Variants in SDK1 observed in about 807,000 individuals in gnomAD.
SDK1 encodes the protein sidekick cell adhesion molecule 1.
In SDK1, 157 loss-of-function variants were observed where a neutral mutation model predicts 245.5. The observed-to-expected ratio is 0.64, with a 90% confidence interval of 0.56 to 0.73. SDK1 has a LOEUF of 0.73. Among genes scored for constraint, SDK1 ranks in the 30% least tolerant of loss-of-function variants. The pLI is 0.00. For synonymous variants in SDK1, 1,647 were observed against 1,278.5 expected (o/e 1.29, Z -6.15); for missense variants, 3,583 against 3,002.3 (o/e 1.19, Z -4.52).
chr7:3,695,185 A>G (rs959443874), intron 4 of SDK1, among the ~76,000 whole-genome samples: 3 of 152,240 alleles, frequency 2.0e-5, no homozygotes, highest in African/African-American at 2.4e-5. Flanking sequence ...AGCATGGTCT[A>G]CTTACACTAG....
intron 4 of SDK1, among the ~76,000 whole-genome samples, chr7:3,717,263 G>A (rs560055159): frequency 6.6e-6 from 1 of 152,000 alleles, no homozygotes; most frequent in Non-Finnish European, 1.5e-5. Context: ...AAAAATAAAG[G>A]AATCAAACTA....
chr7:3,483,649 T>C (rs900105103), intron 1 of SDK1, among the ~76,000 whole-genome samples: 4 of 152,206 alleles, frequency 2.6e-5, no homozygotes, highest in African/African-American at 4.8e-5. Flanking sequence ...TTCTAATATT[T>C]TACCATTAAA....
At chr7:3,610,984 G>A (rs1435442242) in intron 1 of SDK1, among the ~76,000 whole-genome samples, 2 of 152,180 alleles carry the variant, frequency 1.3e-5, no homozygotes, top group Admixed American at 6.5e-5. Context: ...CAAGGAATAC[G>A]CAGCACAATC....
chr7:3,408,147 T>C (rs528876366), intron 1 of SDK1, among the ~76,000 whole-genome samples: 4 of 152,180 alleles, frequency 2.6e-5, no homozygotes, highest in East Asian at 3.9e-4. Flanking sequence ...AAGCAATTCT[T>C]GTGCCTCAGT....
intron 1 of SDK1, among the ~76,000 whole-genome samples, chr7:3,561,056 T>C (rs772790799): frequency 4.2e-4 from 64 of 152,188 alleles, no homozygotes; most frequent in Admixed American, 9.8e-4. Flanking sequence ...GGTGAGGATA[T>C]TGAATTTCTT....
chr7:3,721,781 A>G (rs1778813044), intron 4 of SDK1, among the ~76,000 whole-genome samples: 1 of 152,192 alleles, frequency 6.6e-6, no homozygotes, highest in Non-Finnish European at 1.5e-5. Context: ...CCCAGAGCTG[A>G]GAGCTTGTAG....
intron 22 of SDK1, among the ~76,000 whole-genome samples, chr7:4,098,788 C>T (rs1031012939): frequency 8.6e-5 from 13 of 150,370 alleles, no homozygotes; most frequent in South Asian, 4.2e-4. Context: ...CTCAGCCTCC[C>T]GAGTAGCTGG....
chr7:4,107,471 T>G (rs1783013113), intron 22 of SDK1, among the ~76,000 whole-genome samples: 2 of 145,196 alleles, frequency 1.4e-5, no homozygotes, highest in African/African-American at 5.3e-5. Context: ...AAGTCATCCC[T>G]TTTTCTTCCT....
chr7:3,392,811 A>G (rs1781792376), intron 1 of SDK1, among the ~76,000 whole-genome samples: 1 of 152,128 alleles, frequency 6.6e-6, no homozygotes, highest in Non-Finnish European at 1.5e-5. Context: ...TTTTGGCTGA[A>G]TAATAATATT....
intron 26 of SDK1, 106 bp downstream of exon 26, chr7:4,127,602 T>G (rs1467608564): frequency 1.4e-5 from 11 of 786,394 alleles, no homozygotes; most frequent in Non-Finnish European, 2.2e-5. Context: ...CCTACAGATC[T>G]GCAGCGTCAG....
chr7:3,332,241 T>C (rs1317239301), intron 1 of SDK1, among the ~76,000 whole-genome samples: 2 of 152,234 alleles, frequency 1.3e-5, no homozygotes, highest in Non-Finnish European at 2.9e-5. Flanking sequence ...AGTCTCCTTA[T>C]TTTATTCTCG....
chr7:4,062,664 C>T (rs113135099), intron 19 of SDK1, among the ~76,000 whole-genome samples: 6,894 of 152,174 alleles, frequency 0.045, 299 homozygotes, highest in African/African-American at 0.11. Context: ...CAAAAAACTA[C>T]AGTCCATTAT....
intron 2 of SDK1, among the ~76,000 whole-genome samples, chr7:3,638,551 G>A (rs529396568): frequency 4.8e-5 from 7 of 146,652 alleles, no homozygotes; most frequent in Non-Finnish European, 8.9e-5. Flanking sequence ...ACCAAACACC[G>A]CATGTTCTCA....
intron 1 of SDK1, among the ~76,000 whole-genome samples, chr7:3,430,324 T>A (rs1779804126): frequency 6.6e-6 from 1 of 152,172 alleles, no homozygotes; most frequent in African/African-American, 2.4e-5. Context: ...TAATTAGTAA[T>A]TAAGGTTATT....
intron 1 of SDK1, among the ~76,000 whole-genome samples, chr7:3,466,915 A>G (rs1781017930): frequency 6.6e-6 from 1 of 151,090 alleles, no homozygotes. Context: ...TTTACAAACC[A>G]TCCAATTCTT....
intron 35 of SDK1, among the ~76,000 whole-genome samples, chr7:4,192,742 C>T (rs1480658929): frequency 6.6e-6 from 1 of 151,942 alleles, no homozygotes; most frequent in Non-Finnish European, 1.5e-5. Flanking sequence ...ACAATATCTC[C>T]AAGACCCGCC....
chr7:3,803,259 C>G (rs1353317100), intron 4 of SDK1, among the ~76,000 whole-genome samples: 1 of 151,686 alleles, frequency 6.6e-6, no homozygotes, highest in Admixed American at 6.6e-5. Flanking sequence ...TGGTCAAATG[C>G]TTCTTGTTGT....
chr7:4,182,720 A>G (rs1782668763), intron 35 of SDK1, among the ~76,000 whole-genome samples: 1 of 152,206 alleles, frequency 6.6e-6, no homozygotes, highest in African/African-American at 2.4e-5. Context: ...TGGTCTTTCC[A>G]TGGGGCTCCT....
intron 19 of SDK1, among the ~76,000 whole-genome samples, chr7:4,065,244 G>T (rs1392451532): frequency 2.0e-5 from 3 of 152,184 alleles, no homozygotes; most frequent in African/African-American, 7.2e-5. Context: ...GGGTGCTGGA[G>T]AAACGGCCTC....
Sources: allele counts gnomAD v4.1 joint callset (sites outside exome capture counted in the v4.1 genomes callset), GRCh38; gene constraint gnomAD v4.1.1; transcripts MANE v1.5; gene names NCBI Gene and HGNC (gene_info 2026-07-23, HGNC 2026-07-21).